RHOU: variants seen among roughly 807,000 people sequenced by gnomAD.
RHOU encodes the protein rho-related GTP-binding protein RhoU.
A neutral mutation model predicts 12.6 loss-of-function variants in RHOU; 8 were observed. The observed-to-expected ratio is 0.64, with a 90% confidence interval of 0.37 to 1.15. RHOU has a LOEUF of 1.15. Among genes scored for constraint, RHOU ranks in the 50% most tolerant of loss-of-function variants. RHOU has a pLI of 0.01. For synonymous variants in RHOU, 161 were observed against 147.4 expected, an observed-to-expected ratio of 1.09 and a Z score of -0.67; for missense variants, 258 against 347.0, an observed-to-expected ratio of 0.74 and a Z score of 2.04.
At chr1:228,652,265 CTA>C in the RHOU span, among the ~76,000 whole-genome samples, 3 of 152,216 alleles carry the variant, frequency 2.0e-5, no homozygotes, top group Non-Finnish European at 4.4e-5. Context: ...TCCTGTCCTT[CTA>C]TGTGTTGTGT....
chr1:228,728,912 T>G, the RHOU span, among the ~76,000 whole-genome samples: 1 of 151,558 alleles, frequency 6.6e-6, no homozygotes, highest in Non-Finnish European at 1.5e-5. Flanking sequence ...TTTTTTTTTT[T>G]GGAGACAGAG....
At chr1:228,720,589 GAGA>G in the RHOU span, among the ~76,000 whole-genome samples, 2 of 152,286 alleles carry the variant, frequency 1.3e-5, no homozygotes, top group Admixed American at 1.3e-4. Context: ...GTGAAGACGT[GAGA>G]AGAAGATGAA....
At chr1:228,679,869 C>T in the RHOU span, among the ~76,000 whole-genome samples, 31 of 151,516 alleles carry the variant, frequency 2.0e-4, no homozygotes, top group East Asian at 3.9e-4. Flanking sequence ...GGGAAAAGGG[C>T]GGTAATGAGG....
the RHOU span, among the ~76,000 whole-genome samples, chr1:228,659,632 A>C: frequency 6.6e-6 from 1 of 152,032 alleles, no homozygotes; most frequent in South Asian, 2.1e-4. Context: ...AAGAGAGAAG[A>C]CTCAAATTAC....
chr1:228,743,810 A>G lies in RHOU; in HGVS notation c.*70A>G, dbSNP rs1662773442. On this transcript the variant is annotated 3_prime_UTR_variant, in exon 3 of 3. Coordinates refer to ENST00000366691, the MANE Select transcript of RHOU (RefSeq NM_021205.6). The surrounding 1 kb of genome is among the most constrained non-coding windows in gnomAD (Gnocchi z 5.1). ...ATTAGAAGCTATATTAGCTGAAACA[A>G]CTCCTTTTACTGCGTAGAACCTATA... 6.9e-6 allele frequency: 9 copies of G among 1,302,532 alleles called. No homozygotes were observed. In the South Asian group the frequency reaches 1.3e-4, roughly 18 times the overall value. 80.7% of individuals were successfully genotyped at this position (1,302,532 alleles called of 1,614,324 possible).
At chr1:228,663,461 T>G in the RHOU span, among the ~76,000 whole-genome samples, 1 of 152,016 alleles carries the variant, frequency 6.6e-6, no homozygotes, top group Non-Finnish European at 1.5e-5. Flanking sequence ...AGGAAAGCAA[T>G]AATAAGGAAA....
the RHOU span, among the ~76,000 whole-genome samples, chr1:228,661,689 T>C: frequency 6.6e-6 from 1 of 152,160 alleles, no homozygotes; most frequent in African/African-American, 2.4e-5. Context: ...CAAGATGGAT[T>C]CAAGACTTAA....
Position 228,743,453 on chromosome 1 carries a change from G to A in RHOU, c.490G>A (p.Asp164Asn). ...APIILVGTQS[D>N]LREDVKVLIE... ...CATCATCCTAGTTGGAACGCAGTCG[G>A]ATCTCAGAGAAGATGTCAAAGTCCT... Residue 164 changes from aspartate to asparagine, a missense_variant, in exon 3 of 3, where the codon GAT becomes AAT. By Grantham distance (23) the Asp-to-Asn change is conservative. Transcript: ENST00000366691. This position sits in a 1 kb window ranked among gnomAD's most constrained non-coding sequence, Gnocchi z 5.1. 6.2e-7 allele frequency: 1 copy of A among 1,614,130 alleles called. No individual in the cohort carries two copies. The highest frequency in any genetic ancestry group is 8.5e-7 in the Non-Finnish European group (1 of 1,180,028).
the RHOU span, among the ~76,000 whole-genome samples, chr1:228,712,671 G>T: frequency 9.9e-6 from 1 of 101,492 alleles, no homozygotes; most frequent in Non-Finnish European, 1.8e-5. Context: ...AGGGTGGGGG[G>T]AGGGGGGAGG....
chr1:228,714,740 C>CTTTTTTTTTTT, the RHOU span, among the ~76,000 whole-genome samples: 17 of 83,710 alleles, frequency 2.0e-4, no homozygotes, highest in Non-Finnish European at 2.8e-4. Flanking sequence ...TGTTAATTAT[C>CTTTTTTTTTTT]TTTTTTTTTT....
chr1:228,724,836 T>C, the RHOU span, among the ~76,000 whole-genome samples: 1 of 152,206 alleles, frequency 6.6e-6, no homozygotes, highest in Non-Finnish European at 1.5e-5. Context: ...AGGTGTGGCA[T>C]GGGTGCTCTT....
the RHOU span, among the ~76,000 whole-genome samples, chr1:228,668,607 A>T: frequency 1.3e-5 from 2 of 152,242 alleles, no homozygotes; most frequent in Non-Finnish European, 2.9e-5. Context: ...TAGTAGCAAT[A>T]ACACAGTGCT....
At chr1:228,661,704 T>C in the RHOU span, among the ~76,000 whole-genome samples, 1 of 152,152 alleles carries the variant, frequency 6.6e-6, no homozygotes, top group South Asian at 2.1e-4. Context: ...ACTTAAACAT[T>C]AGGCCTAAAA....
the RHOU span, among the ~76,000 whole-genome samples, chr1:228,680,535 G>T: frequency 2.6e-4 from 40 of 152,188 alleles, 1 homozygote; most frequent in African/African-American, 2.4e-5. Flanking sequence ...TCAGAAATGC[G>T]TTGCTGTCTG....
the RHOU span, chr1:228,652,418 G>T: frequency 6.6e-6 from 1 of 152,128 alleles, no homozygotes; most frequent in East Asian, 1.9e-4. Context: ...ATAGCAAAAA[G>T]GAAAAAAGAT....
Position 228,746,481 on chromosome 1 carries a change from CAA to C in RHOU, c.*2742_*2743del, listed in dbSNP as rs1339348277. On this transcript the variant is annotated 3_prime_UTR_variant, in exon 3 of 3. Transcript: ENST00000366691. ...AACCTTGTTCTCTGCTTGACAGACT[CAA>C]GAGAAACTACCCAGGTATTACACAA... 1 of 152,250 alleles carries C rather than the reference CAA, an allele frequency of 6.6e-6. No homozygotes were observed. The highest frequency in any genetic ancestry group is 1.5e-5 in the Non-Finnish European group (1 of 68,012). 9.4% of individuals were successfully genotyped at this position (152,250 alleles called of 1,614,324 possible).
chr1:228,743,226 TC>T lies in RHOU; in HGVS notation c.322-58del, dbSNP rs1662759511. 2.7e-6 allele frequency: 4 copies of T among 1,464,040 alleles called. No homozygotes were observed. The highest frequency in any genetic ancestry group is 3.8e-6 in the Non-Finnish European group (4 of 1,050,464). 90.7% of individuals were successfully genotyped at this position (1,464,040 alleles called of 1,614,324 possible). A position where few individuals can be genotyped will look rare whatever the true frequency, so the allele number is the denominator to read the frequency against. On this transcript the variant is annotated intron_variant, in intron 2 of 2. Coordinates refer to ENST00000366691, the MANE Select transcript of RHOU (RefSeq NM_021205.6). The surrounding 1 kb of genome is among the most constrained non-coding windows in gnomAD (Gnocchi z 5.1). The stretch of plus-strand genomic sequence containing the variant: ...CCTTTCATGAAAAATGTGAAGGTGA[TC>T]TTTTTACTGATGAGAATTCATGAAA...
chr1:228,720,157 G>A, the RHOU span, among the ~76,000 whole-genome samples: 20 of 151,872 alleles, frequency 1.3e-4, no homozygotes, highest in Admixed American at 2.0e-4. Flanking sequence ...GCGAGACCCC[G>A]TCTCTACAGA....
At chr1:228,709,214 A>G in the RHOU span, among the ~76,000 whole-genome samples, 1 of 151,630 alleles carries the variant, frequency 6.6e-6, no homozygotes, top group Non-Finnish European at 1.5e-5. Context: ...ATAATGGGAG[A>G]CTTTAACACC....
Sources: allele counts gnomAD v4.1 joint callset (sites outside exome capture counted in the v4.1 genomes callset), GRCh38; gene constraint gnomAD v4.1.1; non-coding constraint Gnocchi (gnomAD v3.1); transcripts MANE v1.5; gene names NCBI Gene and HGNC (gene_info 2026-07-23, HGNC 2026-07-21).